Variants in GIGYF2 observed in about 807,000 individuals in gnomAD.
GIGYF2 encodes the protein GRB10-interacting GYF protein 2.
A neutral mutation model predicts 208.1 loss-of-function variants in GIGYF2; 25 were observed. That is an observed-to-expected ratio of 0.12 (90% CI 0.09 to 0.17). GIGYF2 has a LOEUF of 0.17. Among genes scored for constraint, GIGYF2 ranks in the 10% least tolerant of loss-of-function variants. GIGYF2 has a pLI of 1.00. For synonymous variants in GIGYF2, 534 were observed against 543.8 expected, an observed-to-expected ratio of 0.98 and a Z score of 0.25; for missense variants, 1,302 against 1,579.4, an observed-to-expected ratio of 0.82 and a Z score of 2.98.
chr2:232,706,945 CAAAAA>C (rs10612508), intron 2 of GIGYF2, among the ~76,000 whole-genome samples: 7 of 109,472 alleles, frequency 6.4e-5, no homozygotes, highest in Non-Finnish European at 5.6e-5. Flanking sequence ...GACCTTGTCT[CAAAAA>C]AAAAAAAAAA....
chr2:232,729,463 G>GTT (rs368864008), intron 2 of GIGYF2: 142 of 740,348 alleles, frequency 1.9e-4, no homozygotes, highest in South Asian at 3.7e-4. Context: ...TTATTTTTAG[G>GTT]TTTTTTTTTT....
intron 18 of GIGYF2, among the ~76,000 whole-genome samples, chr2:232,813,647 G>T (rs1306056170): frequency 6.6e-6 from 1 of 152,166 alleles, no homozygotes; most frequent in Non-Finnish European, 1.5e-5. Flanking sequence ...GAGCTGTTGA[G>T]CCATTCAGGT....
chr2:232,790,249 CACAA>C, intron 9 of GIGYF2, among the ~76,000 whole-genome samples: 1 of 152,126 alleles, frequency 6.6e-6, no homozygotes, highest in African/African-American at 2.4e-5. Context: ...TGATTTTATC[CACAA>C]ACAATGATAT....
At position 232,857,277 on chromosome 2, in the gene GIGYF2, T is replaced by C. The variant is rs771888505; in HGVS notation, c.*417T>C. ...TTTCCCCCCATCAGGGCAAATGGTC[T>C]AACTGGTGCAATCATGAAGAGAGTT... On this transcript the variant is annotated 3_prime_UTR_variant, in exon 29 of 29. Transcript: ENST00000373563. The C allele has an allele frequency of 2.0e-5, 6 of 298,834 alleles. No individual in the cohort carries two copies. The highest frequency in any genetic ancestry group is 3.2e-5 in the Non-Finnish European group (5 of 154,578). 18.5% of individuals were successfully genotyped at this position (298,834 alleles called of 1,614,324 possible). A position where few individuals can be genotyped will look rare whatever the true frequency, so the allele number is the denominator to read the frequency against.
At chr2:232,697,874 C>G (rs1177124468) in intron 1 of GIGYF2, among the ~76,000 whole-genome samples, 1 of 152,238 alleles carries the variant, frequency 6.6e-6, no homozygotes, top group African/African-American at 2.4e-5. Context: ...CCTGTCCACA[C>G]CTGGTCCCTG....
chr2:232,836,145 G>C (rs1430084117), intron 22 of GIGYF2, among the ~76,000 whole-genome samples: 2 of 149,466 alleles, frequency 1.3e-5, no homozygotes, highest in Non-Finnish European at 3.0e-5. Context: ...AATTGTCCTG[G>C]GCTGGGTGCA....
Position 232,825,850 on chromosome 2 carries a change from C to A in GIGYF2, c.2529+5865C>A, listed in dbSNP as rs565884135. On this transcript the variant is annotated intron_variant, in intron 21 of 28. Coordinates refer to ENST00000373563, the MANE Select transcript of GIGYF2 (RefSeq NM_001103146.3). ...GGTATTTCTCCTAATGCTATCCCTC[C>A]CCCAGCCCCCCACCCCTCGACAGAC... is the stretch of plus-strand genomic sequence containing the variant. 2.0e-5 allele frequency among the ~76,000 whole-genome samples: 3 copies of A among 149,798 alleles called. No individual in the cohort carries two copies. The East Asian group carries it at 6.0e-4, about 30-fold the overall frequency.
Position 232,709,425 on chromosome 2 carries a change from G to A in GIGYF2, c.-44+5936G>A, listed in dbSNP as rs562901314. On this transcript the variant is annotated intron_variant, in intron 2 of 28. Transcript: ENST00000373563. Reference sequence around the variant, plus strand: ...TGCAGCCTAGAACTCCTGAGCTAAAGTGATTCTCGGGCTTCAGCCTCCTAA... The same window carrying A: ...TGCAGCCTAGAACTCCTGAGCTAAAATGATTCTCGGGCTTCAGCCTCCTAA... Among the ~76,000 whole-genome samples the A allele has an allele frequency of 3.9e-5, 6 of 152,310 alleles. No homozygotes were observed. In the South Asian group the frequency reaches 1.2e-3, roughly 32 times the overall value.
Position 232,704,856 on chromosome 2 carries a change from A to ATTTTTTTT in GIGYF2, c.-44+1381_-44+1388dup, listed in dbSNP as rs10689292. On this transcript the variant is annotated intron_variant, in intron 2 of 28. Transcript: ENST00000373563. Reference sequence around the variant, plus strand: ...GTTTTTTATAAATTTTAACTTCTGGATTTTTTTTTTTTTTTTTTTTTGAGA... The same window carrying ATTTTTTTT: ...GTTTTTTATAAATTTTAACTTCTGGATTTTTTTTTTTTTTTTTTTTTTTTTTTTTGAGA... Among the ~76,000 whole-genome samples, 384 of 101,946 alleles carry ATTTTTTTT rather than the reference A, an allele frequency of 3.8e-3. 12 individuals carry two copies. Among genetic ancestry groups the ATTTTTTTT allele is most frequent in the Middle Eastern group, 7.6e-3 (1 of 132 alleles). The allele number at this position is 101,946 out of a possible 152,430, so 66.9% of individuals were successfully genotyped here.
At chr2:232,759,235 C>T (rs1227719715) in intron 6 of GIGYF2, among the ~76,000 whole-genome samples, 3 of 152,060 alleles carry the variant, frequency 2.0e-5, no homozygotes, top group African/African-American at 4.8e-5. Flanking sequence ...TTATATTTAG[C>T]TTTGGGATGC....
At position 232,815,746 on chromosome 2, in the gene GIGYF2, C is replaced by T. The variant is rs773583857; in HGVS notation, c.2208+9C>T. ...AGGCCAAAGCTGCAAAGGTCTGAAACTCATTCTTCTGCAACAGTGCATTGT... is the reference window on the plus strand; with the variant it reads ...AGGCCAAAGCTGCAAAGGTCTGAAATTCATTCTTCTGCAACAGTGCATTGT... On this transcript the variant is annotated intron_variant, in intron 19 of 28. Coordinates refer to ENST00000373563, the MANE Select transcript of GIGYF2 (RefSeq NM_001103146.3). The T allele has an allele frequency of 4.0e-5, 56 of 1,391,106 alleles. 1 individual carries two copies. The highest frequency in any genetic ancestry group is 1.0e-4 in the Admixed American group (6 of 59,678). 86.2% of individuals were successfully genotyped at this position (1,391,106 alleles called of 1,614,324 possible).
At chr2:232,799,164 C>A (rs1008039431) in intron 14 of GIGYF2, among the ~76,000 whole-genome samples, 5 of 151,766 alleles carry the variant, frequency 3.3e-5, no homozygotes, top group African/African-American at 1.2e-4. Flanking sequence ...AATAATATTC[C>A]CCTGTAGGTG....
intron 8 of GIGYF2, among the ~76,000 whole-genome samples, chr2:232,783,923 G>A (rs1196604038): frequency 6.6e-6 from 1 of 152,076 alleles, no homozygotes; most frequent in African/African-American, 2.4e-5. Context: ...TCTGACCTCA[G>A]GTGATCCGCC....
At chr2:232,821,853 A>G (rs548707784) in intron 21 of GIGYF2, among the ~76,000 whole-genome samples, 2 of 151,222 alleles carry the variant, frequency 1.3e-5, no homozygotes, top group East Asian at 3.9e-4. Flanking sequence ...GATATGAGGT[A>G]TGGGTTGTTC....
At chr2:232,814,880 G>A (rs1379019573) in intron 18 of GIGYF2, among the ~76,000 whole-genome samples, 3 of 152,200 alleles carry the variant, frequency 2.0e-5, no homozygotes, top group Non-Finnish European at 4.4e-5. Context: ...ATTTGATGGT[G>A]TATAAATAGA....
In GIGYF2 at chr2:232,747,711, A is replaced by G; in HGVS notation, c.138A>G (p.Glu46=). Residue 46 remains glutamate (E), a synonymous_variant, in exon 4 of 29, where the codon GAA becomes GAG. Coordinates refer to ENST00000373563, the MANE Select transcript of GIGYF2 (RefSeq NM_001103146.3). The part of the protein sequence containing the change: ...YKLADYRYGR[E]EMLALFLKDN... The stretch of plus-strand genomic sequence containing the variant: ...TAGCAGATTATCGTTACGGCAGAGA[A>G]GAAATGTTAGCACTTTTCCTTAAAG... The G allele has an allele frequency of 6.2e-7, 1 of 1,613,938 alleles. No individual in the cohort carries two copies.
intron 2 of GIGYF2, among the ~76,000 whole-genome samples, chr2:232,709,802 C>G (rs1385936478): frequency 6.6e-6 from 1 of 151,840 alleles, no homozygotes; most frequent in Non-Finnish European, 1.5e-5. Context: ...GAGCAAGACT[C>G]TGTCTTGGAG....
At chr2:232,792,656 T>C (rs1700104919) in intron 12 of GIGYF2, among the ~76,000 whole-genome samples, 1 of 152,202 alleles carries the variant, frequency 6.6e-6, no homozygotes, top group African/African-American at 2.4e-5. Flanking sequence ...TGGGCTCAAG[T>C]GATCCTCCTG....
chr2:232,809,966 A>C (rs896685678), intron 16 of GIGYF2, among the ~76,000 whole-genome samples, 155 bp downstream of exon 16: 8 of 150,958 alleles, frequency 5.3e-5, no homozygotes, highest in African/African-American at 2.0e-4. Flanking sequence ...ATACCTTCTA[A>C]TTTTAGTGTT....
Sources: gnomAD v4.1 joint callset for allele counts (sites outside exome capture counted in the v4.1 genomes callset) on GRCh38, gnomAD v4.1.1 for gene constraint, MANE v1.5 for transcripts, NCBI Gene and HGNC (gene_info 2026-07-23, HGNC 2026-07-21) for gene names.